Variants in PCDH15 observed in about 807,000 individuals in gnomAD.
The protein encoded by PCDH15 is protocadherin-15.
Under a neutral mutation model 178.5 loss-of-function variants are expected in PCDH15, and 129 were observed. That is an observed-to-expected ratio of 0.72 (90% CI 0.63 to 0.84). The LOEUF is 0.84. Among genes scored for constraint, PCDH15 ranks in the 40% least tolerant of loss-of-function variants. PCDH15 has a pLI of 0.00. For missense variants in PCDH15, 2,230 were observed against 2,099.9 expected, an observed-to-expected ratio of 1.06 and a Z score of -1.21; for synonymous variants, 800 against 732.0, an observed-to-expected ratio of 1.09 and a Z score of -1.50.
chr10:54,581,662 C>T (rs970147053), intron 2 of PCDH15, among the ~76,000 whole-genome samples: 4 of 151,872 alleles, frequency 2.6e-5, no homozygotes, highest in Non-Finnish European at 4.4e-5. Flanking sequence ...TCATATTATC[C>T]GACTTCAGCT....
intron 3 of PCDH15, among the ~76,000 whole-genome samples, chr10:54,407,638 A>G (rs576102617): frequency 7.2e-5 from 11 of 152,144 alleles, no homozygotes; most frequent in Non-Finnish European, 1.2e-4. Flanking sequence ...TTTTCCACCC[A>G]GAAAACTAAG....
chr10:55,365,525 C>G (rs1332453435), intron 2 of PCDH15, among the ~76,000 whole-genome samples: 1 of 152,024 alleles, frequency 6.6e-6, no homozygotes, highest in Non-Finnish European at 1.5e-5. Flanking sequence ...TGTGTTCACA[C>G]CCAAATCTCA....
At chr10:54,798,943 C>T (rs1380430617) in intron 1 of PCDH15, among the ~76,000 whole-genome samples, 1 of 152,046 alleles carries the variant, frequency 6.6e-6, no homozygotes, top group African/African-American at 2.4e-5. Flanking sequence ...GGGGAGTACA[C>T]TCATCTACCC....
At chr10:54,140,053 G>A (rs2043248594) in intron 14 of PCDH15, among the ~76,000 whole-genome samples, 1 of 151,944 alleles carries the variant, frequency 6.6e-6, no homozygotes, top group Admixed American at 6.6e-5. Context: ...AAAATACAAA[G>A]TTGAAAAAGC....
intron 1 of PCDH15, among the ~76,000 whole-genome samples, chr10:55,314,244 G>A (rs922825411): frequency 3.4e-5 from 5 of 147,922 alleles, no homozygotes; most frequent in African/African-American, 9.9e-5. Context: ...CTCAGTGTTC[G>A]TCATTACCCT....
intron 1 of PCDH15, among the ~76,000 whole-genome samples, chr10:55,176,601 C>T (rs1359713141): frequency 6.6e-6 from 1 of 152,116 alleles, no homozygotes; most frequent in African/African-American, 2.4e-5. Context: ...TGCAACAACC[C>T]TTGTAATGCC....
chr10:55,540,724 T>C (rs894982896), intron 2 of PCDH15, among the ~76,000 whole-genome samples: 17 of 152,102 alleles, frequency 1.1e-4, no homozygotes, highest in African/African-American at 4.1e-4. Context: ...AAATCGAATA[T>C]GTTCCCCAAT....
intron 15 of PCDH15, among the ~76,000 whole-genome samples, chr10:54,091,176 T>A (rs770137071): frequency 2.6e-5 from 4 of 152,122 alleles, no homozygotes; most frequent in Admixed American, 6.6e-5. Flanking sequence ...AAGACATGGA[T>A]AAAGAAAGAA....
In PCDH15 at chr10:54,509,558, C is replaced by T. The variant is rs191556479; in HGVS notation, c.157+18254G>A. Among the ~76,000 whole-genome samples the T allele has an allele frequency of 8.5e-5, 13 of 152,256 alleles. No individual in the cohort carries two copies. The East Asian group carries it at 1.7e-3, about 20-fold the overall frequency. On this transcript the variant is annotated intron_variant, in intron 3 of 37. Transcript: ENST00000644397. ...CATATCTTTCTGTAACAAGCAAGAG[C>T]ACTGTGTCTCTGCCTGTCAGTTCTC...
chr10:54,905,547 T>C (rs1954704745), intron 2 of PCDH15, among the ~76,000 whole-genome samples: 1 of 152,130 alleles, frequency 6.6e-6, no homozygotes, highest in African/African-American at 2.4e-5. Context: ...AAAAGCTTTG[T>C]AATAGTTCAG....
intron 8 of PCDH15, among the ~76,000 whole-genome samples, chr10:54,284,170 AT>A (rs1170128547): frequency 2.0e-5 from 3 of 152,174 alleles, no homozygotes; most frequent in Non-Finnish European, 2.9e-5. Context: ...ATTTAACAAA[AT>A]GGATTAGAAT....
chr10:55,189,541 TCA>T (rs1839886672), intron 1 of PCDH15, among the ~76,000 whole-genome samples: 1 of 151,842 alleles, frequency 6.6e-6, no homozygotes, highest in Non-Finnish European at 1.5e-5. Flanking sequence ...GGGATTGTAT[TCA>T]CACTCTCCAG....
At chr10:54,603,583 T>C (rs1442046913) in intron 2 of PCDH15, among the ~76,000 whole-genome samples, 2 of 151,716 alleles carry the variant, frequency 1.3e-5, no homozygotes, top group African/African-American at 4.8e-5. Context: ...TGGATCCCCA[T>C]GCCATTAACC....
chr10:54,013,951 T>C (rs1005970489), intron 20 of PCDH15, among the ~76,000 whole-genome samples: 5 of 151,736 alleles, frequency 3.3e-5, no homozygotes, highest in African/African-American at 1.2e-4. Flanking sequence ...ATATAAAAGA[T>C]AAATGAATTT....
intron 2 of PCDH15, among the ~76,000 whole-genome samples, chr10:54,975,605 T>C (rs909767587): frequency 6.6e-6 from 1 of 151,976 alleles, no homozygotes; most frequent in Admixed American, 6.6e-5. Context: ...CTAGGAGAGG[T>C]GACTTTTGAG....
intron 3 of PCDH15, among the ~76,000 whole-genome samples, chr10:54,817,588 AATTG>A (rs996413170): frequency 1.3e-5 from 2 of 152,034 alleles, no homozygotes; most frequent in Non-Finnish European, 2.9e-5. Context: ...CTATTAGTAA[AATTG>A]TAAGTGAGAT....
intron 2 of PCDH15, among the ~76,000 whole-genome samples, chr10:55,447,476 A>T (rs766733919): frequency 1.7e-4 from 26 of 152,048 alleles, no homozygotes; most frequent in Non-Finnish European, 2.5e-4. Context: ...ATAAAAAAGT[A>T]TTGTTTAGAC....
At chr10:55,009,863 T>A (rs959159696) in intron 2 of PCDH15, among the ~76,000 whole-genome samples, 1 of 152,156 alleles carries the variant, frequency 6.6e-6, no homozygotes, top group Non-Finnish European at 1.5e-5. Flanking sequence ...TATCTGTTTC[T>A]CAGAACTGCA....
intron 20 of PCDH15, among the ~76,000 whole-genome samples, chr10:54,015,965 C>G (rs981429604): frequency 6.6e-6 from 1 of 152,052 alleles, no homozygotes; most frequent in Admixed American, 6.6e-5. Context: ...AAAAAACTAT[C>G]AACAGAGTAA....
Sources: gnomAD v4.1 joint callset for allele counts (sites outside exome capture counted in the v4.1 genomes callset) on GRCh38, gnomAD v4.1.1 for gene constraint, MANE v1.5 for transcripts, NCBI Gene and HGNC (gene_info 2026-07-23, HGNC 2026-07-21) for gene names.